RORA: variants seen among roughly 807,000 people sequenced by gnomAD.
The protein encoded by RORA is nuclear receptor ROR-alpha.
RORA carries 7 observed loss-of-function variants against 69.5 expected under a neutral mutation model. The ratio of observed to expected loss-of-function variants is 0.10; its 90% CI spans 0.06 to 0.19. The LOEUF (loss-of-function observed/expected upper bound fraction) is 0.19. RORA is among the 10% of genes least tolerant of loss of function. The pLI is 1.00. For missense variants in RORA, 457 were observed against 663.0 expected (o/e 0.69, Z 3.41); for synonymous variants, 261 against 240.8 (o/e 1.08, Z -0.78).
intron 1 of RORA, among the ~76,000 whole-genome samples, chr15:61,153,205 T>C (rs867945488): frequency 2.6e-5 from 4 of 152,286 alleles, no homozygotes; most frequent in African/African-American, 9.6e-5. Flanking sequence ...CCCAAGGAGC[T>C]GGTCTCAATG....
chr15:60,584,977 A>C (rs558352658), intron 2 of RORA, among the ~76,000 whole-genome samples: 7 of 152,296 alleles, frequency 4.6e-5, no homozygotes, highest in African/African-American at 1.7e-4. Flanking sequence ...CTTTTTCATG[A>C]AACGCTGCAA....
At chr15:61,115,643 C>A (rs1360105432) in intron 1 of RORA, among the ~76,000 whole-genome samples, 13 of 152,158 alleles carry the variant, frequency 8.5e-5, no homozygotes, top group Admixed American at 7.9e-4. Flanking sequence ...AAGGAAAATG[C>A]CTCAGTTACG....
chr15:60,804,812 T>A (rs964644549), intron 1 of RORA, among the ~76,000 whole-genome samples: 5 of 152,248 alleles, frequency 3.3e-5, no homozygotes, highest in African/African-American at 1.2e-4. Flanking sequence ...AGATCCTTTC[T>A]CAGTTAATAT....
chr15:60,958,264 C>G (rs187545292), intron 1 of RORA, among the ~76,000 whole-genome samples: 25 of 152,252 alleles, frequency 1.6e-4, no homozygotes, highest in Admixed American at 1.5e-3. Context: ...ATTACCTGAG[C>G]CTTTGCGTGC....
chr15:61,019,825 C>A (rs574062204), intron 1 of RORA, among the ~76,000 whole-genome samples: 47 of 152,310 alleles, frequency 3.1e-4, no homozygotes, highest in South Asian at 1.9e-3. Flanking sequence ...TGGCTGGTCA[C>A]TGACGGGGCC....
chr15:60,903,811 G>A (rs1457761078), intron 1 of RORA, among the ~76,000 whole-genome samples: 1 of 152,064 alleles, frequency 6.6e-6, no homozygotes, highest in Non-Finnish European at 1.5e-5. Context: ...TTTAAATGGG[G>A]GTAACAATGA....
rs1168663714 is a variant in RORA at position 61,066,418 on chromosome 15, C to CTTTTTTTTTTTTTTT, written c.166+162620_166+162634dup. On this transcript the variant is annotated intron_variant, in intron 1 of 10. Transcript: ENST00000335670. The stretch of plus-strand genomic sequence containing the variant: ...AATTGTGGGAAGACAGGGCATATTC[C>CTTTTTTTTTTTTTTT]TTTTTTTTTTTTTTTTTTTTTTTTT... Among the ~76,000 whole-genome samples the CTTTTTTTTTTTTTTT allele has an allele frequency of 9.5e-4, 77 of 80,964 alleles. 3 individuals carry two copies. The highest frequency in any genetic ancestry group is 1.1e-3 in the Non-Finnish European group (49 of 43,652). 53.1% of individuals were successfully genotyped at this position (80,964 alleles called of 152,430 possible).
At chr15:60,826,703 A>G (rs1329184351) in intron 1 of RORA, among the ~76,000 whole-genome samples, 6 of 144,008 alleles carry the variant, frequency 4.2e-5, no homozygotes, top group Admixed American at 6.9e-5. Context: ...TCTGAAAATG[A>G]CTGGTACTTT....
intron 1 of RORA, among the ~76,000 whole-genome samples, chr15:60,723,872 G>A (rs2071324032): frequency 6.6e-6 from 1 of 152,208 alleles, no homozygotes; most frequent in South Asian, 2.1e-4. Context: ...TGGAGTATGT[G>A]CAGTTGTGTA....
At chr15:60,707,334 TTTTATTTATTTATTTA>T (rs35301219) in intron 1 of RORA, among the ~76,000 whole-genome samples, 84 of 136,122 alleles carry the variant, frequency 6.2e-4, no homozygotes, top group Admixed American at 2.0e-3. Context: ...TATTTCTTTA[TTTTATTTATTTATTTA>T]TTTATTTATT....
intron 2 of RORA, among the ~76,000 whole-genome samples, chr15:60,578,098 T>C (rs1773082293): frequency 6.6e-6 from 1 of 152,258 alleles, no homozygotes; most frequent in African/African-American, 2.4e-5. Flanking sequence ...AAAGATTAGT[T>C]AGAATATGGA....
chr15:61,146,828 A>C (rs2079354097), intron 1 of RORA, among the ~76,000 whole-genome samples: 1 of 152,224 alleles, frequency 6.6e-6, no homozygotes, highest in Non-Finnish European at 1.5e-5. Context: ...GTATTAGCTG[A>C]GGCTGATACA....
intron 2 of RORA, among the ~76,000 whole-genome samples, chr15:60,646,125 G>C (rs1393488202): frequency 1.3e-5 from 2 of 152,162 alleles, no homozygotes; most frequent in African/African-American, 4.8e-5. Context: ...TTTGTCACCA[G>C]AGTTGAGGGC....
At chr15:61,115,510 T>C (rs2079042703) in intron 1 of RORA, among the ~76,000 whole-genome samples, 2 of 152,188 alleles carry the variant, frequency 1.3e-5, no homozygotes, top group Admixed American at 1.3e-4. Flanking sequence ...GAGCACATTT[T>C]TGTGGCATTA....
At chr15:60,789,165 C>A (rs1013553242) in intron 1 of RORA, among the ~76,000 whole-genome samples, 2 of 152,154 alleles carry the variant, frequency 1.3e-5, no homozygotes, top group Non-Finnish European at 2.9e-5. Flanking sequence ...CACCAGTAGG[C>A]CTCCCAAAGG....
intron 2 of RORA, among the ~76,000 whole-genome samples, chr15:60,549,423 A>G (rs1413667088): frequency 6.6e-6 from 1 of 152,232 alleles, no homozygotes; most frequent in Non-Finnish European, 1.5e-5. Context: ...GGCTAAATAT[A>G]AAAGAGTATT....
chr15:60,941,129 A>G (rs1892684288), intron 1 of RORA, among the ~76,000 whole-genome samples: 1 of 152,198 alleles, frequency 6.6e-6, no homozygotes, highest in South Asian at 2.1e-4. Context: ...GAGACACCAA[A>G]CACTTCATAA....
At chr15:61,149,157 G>A (rs1254803065) in intron 1 of RORA, among the ~76,000 whole-genome samples, 1 of 152,210 alleles carries the variant, frequency 6.6e-6, no homozygotes. Flanking sequence ...ATCTCCTACA[G>A]AAAAGGCAGC....
chr15:60,499,864 A>G (rs2065275568), intron 10 of RORA, 28 bp downstream of exon 10: 2 of 1,319,958 alleles, frequency 1.5e-6, no homozygotes, highest in East Asian at 2.3e-5. Context: ...AGTTCAGGCC[A>G]TGCCAACTAG....
Sources: allele counts gnomAD v4.1 joint callset (sites outside exome capture counted in the v4.1 genomes callset), GRCh38; gene constraint gnomAD v4.1.1; transcripts MANE v1.5; gene names NCBI Gene and HGNC (gene_info 2026-07-23, HGNC 2026-07-21).